The following NBEA variants were observed in gnomAD, a reference collection of about 807,000 sequenced individuals.
NBEA encodes the protein neurobeachin, also known as lysosomal-trafficking regulator 2.
A neutral mutation model predicts 343.4 loss-of-function variants in NBEA; 44 were observed. The observed-to-expected ratio is 0.13, with a 90% confidence interval of 0.10 to 0.16. The LOEUF is 0.16. NBEA is among the 10% of genes least tolerant of loss of function. NBEA has a pLI of 1.00. For synonymous variants in NBEA, 1,175 were observed against 1,238.7 expected (o/e 0.95, Z 1.08); for missense variants, 2,555 against 3,631.3 (o/e 0.70, Z 7.62).
intron 38 of NBEA, among the ~76,000 whole-genome samples, chr13:35,359,794 T>C (rs1048452699): frequency 6.6e-6 from 1 of 151,680 alleles, no homozygotes; most frequent in African/African-American, 2.4e-5. Flanking sequence ...TGAACAGGGT[T>C]TAATAGCCCC....
intron 1 of NBEA, among the ~76,000 whole-genome samples, chr13:34,976,031 T>G (rs1382399014): frequency 6.6e-6 from 1 of 151,902 alleles, no homozygotes; most frequent in Non-Finnish European, 1.5e-5. Flanking sequence ...TTAGAGAACT[T>G]AAAAGTAGAT....
intron 10 of NBEA, among the ~76,000 whole-genome samples, chr13:35,080,064 G>C (rs1003134242): frequency 2.6e-5 from 4 of 152,108 alleles, no homozygotes; most frequent in Admixed American, 2.6e-4. Flanking sequence ...TTTCTGCACT[G>C]TGTAGTTTTT....
chr13:35,110,052 A>ATTTTTTTTTTTTTTTTTTTTTTTTTT (rs1566299499), intron 12 of NBEA, among the ~76,000 whole-genome samples: 1 of 89,242 alleles, frequency 1.1e-5, no homozygotes, highest in Non-Finnish European at 2.3e-5. Flanking sequence ...TTTTTTTTTT[A>ATTTTTTTTTTTTTTTTTTTTTTTTTT]AATGTTTTTT....
At chr13:35,014,349 C>A (rs1393889415) in intron 1 of NBEA, among the ~76,000 whole-genome samples, 1 of 151,984 alleles carries the variant, frequency 6.6e-6, no homozygotes, top group East Asian at 1.9e-4. Flanking sequence ...TGATTTTTAC[C>A]ACTTTTAGGC....
At chr13:35,019,834 CAGATCT>C (rs1364331129) in intron 1 of NBEA, among the ~76,000 whole-genome samples, 1 of 152,102 alleles carries the variant, frequency 6.6e-6, no homozygotes, top group Non-Finnish European at 1.5e-5. Context: ...ATAGTGTCTG[CAGATCT>C]ATAGTCATGA....
chr13:35,247,375 C>T (rs537159886), intron 34 of NBEA, among the ~76,000 whole-genome samples: 77 of 152,266 alleles, frequency 5.1e-4, no homozygotes, highest in Non-Finnish European at 9.6e-4. Flanking sequence ...TTTCCCAGTT[C>T]CTCTGGCAGC....
intron 38 of NBEA, among the ~76,000 whole-genome samples, chr13:35,380,224 C>CGAG (rs1566052364): frequency 1.3e-5 from 2 of 151,624 alleles, no homozygotes; most frequent in African/African-American, 4.8e-5. Flanking sequence ...GCAGGTGAAT[C>CGAG]ACCTGAGGTC....
intron 1 of NBEA, among the ~76,000 whole-genome samples, chr13:34,951,140 T>C (rs2059337709): frequency 6.6e-6 from 1 of 152,202 alleles, no homozygotes; most frequent in African/African-American, 2.4e-5. Flanking sequence ...CTTAGTTCTT[T>C]AGGCTAAGGA....
At chr13:35,203,007 T>G (rs1486996597) in intron 31 of NBEA, among the ~76,000 whole-genome samples, 2 of 152,192 alleles carry the variant, frequency 1.3e-5, no homozygotes, top group African/African-American at 4.8e-5. Context: ...CAGGTTTTAC[T>G]TTGCTATTCC....
intron 10 of NBEA, among the ~76,000 whole-genome samples, chr13:35,073,070 T>C (rs1182079960): frequency 2.0e-5 from 3 of 152,120 alleles, no homozygotes; most frequent in African/African-American, 7.2e-5. Context: ...ATACAGTCTT[T>C]TGTTATTTAA....
At chr13:35,537,914 C>T (rs1016237028) in intron 41 of NBEA, among the ~76,000 whole-genome samples, 3 of 152,170 alleles carry the variant, frequency 2.0e-5, no homozygotes, top group Admixed American at 6.5e-5. Context: ...ACTTCTGCTG[C>T]CTTATGATTT....
At chr13:35,389,580 A>G (rs1035306294) in intron 38 of NBEA, among the ~76,000 whole-genome samples, 30 of 152,194 alleles carry the variant, frequency 2.0e-4, no homozygotes, top group African/African-American at 6.8e-4. Context: ...GAGATTAGAT[A>G]GAAAGCTGTA....
intron 41 of NBEA, among the ~76,000 whole-genome samples, chr13:35,513,218 C>T (rs539617101): frequency 6.6e-6 from 1 of 150,532 alleles, no homozygotes; most frequent in South Asian, 2.1e-4. Flanking sequence ...CTCGCTGCAA[C>T]CTCCACCTCC....
chr13:35,434,953 A>G (rs539023514), intron 39 of NBEA, among the ~76,000 whole-genome samples: 1 of 152,350 alleles, frequency 6.6e-6, no homozygotes, highest in South Asian at 2.1e-4. Flanking sequence ...ATAAGGAAAG[A>G]CTGAGAAAAT....
At chr13:35,395,334 G>T (rs1366401247) in intron 38 of NBEA, among the ~76,000 whole-genome samples, 1 of 151,898 alleles carries the variant, frequency 6.6e-6, no homozygotes, top group African/African-American at 2.4e-5. Context: ...ATTCTCATGA[G>T]ATCTGCTTGT....
intron 11 of NBEA, among the ~76,000 whole-genome samples, chr13:35,100,856 A>G (rs763380590): frequency 1.9e-4 from 29 of 151,884 alleles, no homozygotes; most frequent in Non-Finnish European, 3.8e-4. Context: ...AGTATTCCCT[A>G]TGTCTCTTCA....
chr13:35,332,135 CT>C (rs2038964125), intron 36 of NBEA, among the ~76,000 whole-genome samples: 1 of 151,950 alleles, frequency 6.6e-6, no homozygotes, highest in Admixed American at 6.6e-5. Context: ...GCAAATCATA[CT>C]GGATACTGAG....
At chr13:35,655,446 T>C in intron 54 of NBEA, 133 bp from the exon 55 acceptor site, 3 of 978,442 alleles carry the variant, frequency 3.1e-6, no homozygotes, top group Non-Finnish European at 4.4e-6. Context: ...AGCCCATAGA[T>C]GAACTTTTCA....
chr13:35,471,996 G>A (rs1375430450), intron 40 of NBEA, among the ~76,000 whole-genome samples: 1 of 152,114 alleles, frequency 6.6e-6, no homozygotes, highest in Non-Finnish European at 1.5e-5. Context: ...TGAGTGGAAC[G>A]GCTTCGCGCG....
Sources: allele counts gnomAD v4.1 joint callset (sites outside exome capture counted in the v4.1 genomes callset), GRCh38; gene constraint gnomAD v4.1.1; transcripts MANE v1.5; gene names NCBI Gene and HGNC (gene_info 2026-07-23, HGNC 2026-07-21).